Variants in OR2L13 observed in about 807,000 individuals in gnomAD.
The protein encoded by OR2L13 is olfactory receptor family 2 subfamily L member 13.
In OR2L13, 14 loss-of-function variants were observed where a neutral mutation model predicts 15.3. That is an observed-to-expected ratio of 0.91 (90% CI 0.60 to 1.43). The LOEUF is 1.43. Among genes scored for constraint, OR2L13 ranks in the 40% most tolerant of loss-of-function variants. The pLI, the probability that OR2L13 is intolerant of heterozygous loss-of-function variation, is 0.00. For missense variants in OR2L13, 367 were observed against 387.9 expected (o/e 0.95, Z 0.45); for synonymous variants, 152 against 142.9 (o/e 1.06, Z -0.45).
the OR2L13 span, among the ~76,000 whole-genome samples, chr1:247,943,958 G>A: frequency 3.3e-5 from 5 of 152,074 alleles, no homozygotes; most frequent in Non-Finnish European, 7.4e-5. Flanking sequence ...CTCCACGAGT[G>A]GACTTAGTTC....
upstream of OR2L13, among the ~76,000 whole-genome samples, chr1:248,091,570 T>C (rs1387249815): frequency 6.6e-6 from 1 of 152,086 alleles, no homozygotes. Context: ...TTTGTTGGCT[T>C]CGTTGAAAAT....
At chr1:248,055,711 T>G in the OR2L13 span, 1 of 152,226 alleles carries the variant, frequency 6.6e-6, no homozygotes, top group African/African-American at 2.4e-5. Context: ...GAGCTGAGAT[T>G]GTGCCACTGT....
chr1:248,070,880 A>G, the OR2L13 span, among the ~76,000 whole-genome samples: 3 of 152,218 alleles, frequency 2.0e-5, no homozygotes, highest in Non-Finnish European at 4.4e-5. Context: ...ATCTAGAAGA[A>G]ATGGATAAAT....
At chr1:248,064,760 G>A in the OR2L13 span, among the ~76,000 whole-genome samples, 7 of 152,210 alleles carry the variant, frequency 4.6e-5, no homozygotes, top group East Asian at 9.7e-4. Context: ...TTGGTAAATG[G>A]CATCATTGAA....
At chr1:247,987,191 T>A in the OR2L13 span, among the ~76,000 whole-genome samples, 1 of 152,210 alleles carries the variant, frequency 6.6e-6, no homozygotes, top group African/African-American at 2.4e-5. Flanking sequence ...TGTTAGTATA[T>A]AGAAGTCAAT....
chr1:248,009,612 C>T, the OR2L13 span, among the ~76,000 whole-genome samples: 1 of 152,158 alleles, frequency 6.6e-6, no homozygotes, highest in African/African-American at 2.4e-5. Context: ...GAGCTGGAAT[C>T]ATTCCTTCTG....
At chr1:248,022,439 T>C in the OR2L13 span, 1 of 1,614,078 alleles carries the variant, frequency 6.2e-7, no homozygotes, top group Non-Finnish European at 8.5e-7. Flanking sequence ...ATGCATTCCG[T>C]ATCCCATATT....
the OR2L13 span, among the ~76,000 whole-genome samples, chr1:248,082,474 T>C: frequency 2.0e-5 from 3 of 151,214 alleles, no homozygotes; most frequent in Non-Finnish European, 4.4e-5. Flanking sequence ...AATGTGCACA[T>C]GTACCCTAAA....
the OR2L13 span, among the ~76,000 whole-genome samples, chr1:248,081,775 C>T: frequency 6.6e-6 from 1 of 152,110 alleles, no homozygotes; most frequent in African/African-American, 2.4e-5. Context: ...ACTGAATAAC[C>T]TTCTCTTGAG....
the OR2L13 span, chr1:247,948,848 G>A: frequency 6.3e-7 from 1 of 1,590,420 alleles, no homozygotes; most frequent in Admixed American, 1.7e-5. Flanking sequence ...ATGGATTGTA[G>A]GAATGCTCCA....
upstream of OR2L13, among the ~76,000 whole-genome samples, chr1:248,091,350 T>C (rs545658220): frequency 1.9e-4 from 29 of 152,324 alleles, no homozygotes; most frequent in African/African-American, 6.3e-4. Context: ...CATTGTAAAA[T>C]CTTTGCCAGG....
At chr1:248,077,934 T>TA in the OR2L13 span, among the ~76,000 whole-genome samples, 1 of 151,870 alleles carries the variant, frequency 6.6e-6, no homozygotes, top group Non-Finnish European at 1.5e-5. Context: ...CTAGAATGTA[T>TA]AAAAAAACAC....
the OR2L13 span, chr1:247,965,595 C>T: frequency 6.3e-7 from 1 of 1,585,228 alleles, no homozygotes; most frequent in Non-Finnish European, 8.6e-7. Context: ...ACCTCATGTA[C>T]ATCTCCACCA....
chr1:247,956,476 T>C, the OR2L13 span, among the ~76,000 whole-genome samples: 50 of 151,466 alleles, frequency 3.3e-4, no homozygotes, highest in African/African-American at 1.2e-3. Context: ...TCCAATTCTG[T>C]GAAGAAAGTC....
chr1:248,003,145 T>A, the OR2L13 span: 1 of 1,365,878 alleles, frequency 7.3e-7, no homozygotes, highest in South Asian at 1.2e-5. Context: ...AAAATTGCAA[T>A]CAAACATCAA....
the OR2L13 span, among the ~76,000 whole-genome samples, chr1:248,076,405 G>T: frequency 1.3e-5 from 2 of 152,132 alleles, no homozygotes; most frequent in African/African-American, 4.8e-5. Flanking sequence ...AGCTTGATGG[G>T]GATGGCATTG....
chr1:247,993,760 G>A, the OR2L13 span, among the ~76,000 whole-genome samples: 295 of 53,708 alleles, frequency 5.5e-3, 4 homozygotes, highest in African/African-American at 0.02. Flanking sequence ...ACAGAGAGAG[G>A]GGGAGAGAGA....
the OR2L13 span, among the ~76,000 whole-genome samples, chr1:247,959,867 C>A: frequency 6.6e-6 from 1 of 152,114 alleles, no homozygotes. Flanking sequence ...AGGTTTTTAA[C>A]TTCTTTGCAA....
chr1:247,939,321 T>C, the OR2L13 span: 1 of 152,218 alleles, frequency 6.6e-6, no homozygotes, highest in Non-Finnish European at 1.5e-5. Flanking sequence ...TGATTTCTGC[T>C]TCTTCTGTCC....
Sources: gnomAD v4.1 joint callset for allele counts (sites outside exome capture counted in the v4.1 genomes callset) on GRCh38, gnomAD v4.1.1 for gene constraint, MANE v1.5 for transcripts, NCBI Gene and HGNC (gene_info 2026-07-23, HGNC 2026-07-21) for gene names.